Variants in DNAH7 observed in about 807,000 individuals in gnomAD.
DNAH7 encodes axonemal beta dynein heavy chain 7.
DNAH7 carries 397 observed loss-of-function variants against 444.6 expected under a neutral mutation model. The ratio of observed to expected loss-of-function variants is 0.89; its 90% confidence interval spans 0.82 to 0.97. The LOEUF (loss-of-function observed/expected upper bound fraction) is 0.97. Ranked by LOEUF, DNAH7 falls within the 50% of genes least tolerant of loss-of-function variation. The pLI, the probability that DNAH7 is intolerant of heterozygous loss-of-function variation, is 0.00. For synonymous variants in DNAH7, 1,636 were observed against 1,624.4 expected (o/e 1.01, Z -0.17); for missense variants, 4,902 against 4,800.8 (o/e 1.02, Z -0.62).
chr2:195,818,469 C>T (rs1697321657), intron 49 of DNAH7, among the ~76,000 whole-genome samples: 1 of 152,174 alleles, frequency 6.6e-6, no homozygotes, highest in African/African-American at 2.4e-5. Context: ...TCATTGTCCA[C>T]ATCTCCTGTT....
chr2:195,980,077 A>G (rs1000943281), intron 15 of DNAH7, among the ~76,000 whole-genome samples: 47 of 151,166 alleles, frequency 3.1e-4, no homozygotes, highest in Non-Finnish European at 6.4e-4. Context: ...AAAAAAAAAA[A>G]AAAAAAAAAC....
At chr2:196,046,110 A>G (rs1176433748) in intron 5 of DNAH7, among the ~76,000 whole-genome samples, 4 of 152,188 alleles carry the variant, frequency 2.6e-5, no homozygotes, top group Admixed American at 6.5e-5. Context: ...ACTGGATAGT[A>G]TATCACAAAG....
chr2:195,744,379 G>A (rs561347522), intron 63 of DNAH7, among the ~76,000 whole-genome samples: 1 of 152,334 alleles, frequency 6.6e-6, no homozygotes, highest in Admixed American at 6.5e-5. Context: ...ACTGGGTGGA[G>A]CCCACCACAG....
chr2:195,869,125 A>AC (rs1248999839), intron 40 of DNAH7, among the ~76,000 whole-genome samples: 1 of 151,900 alleles, frequency 6.6e-6, no homozygotes, highest in African/African-American at 2.4e-5. Context: ...AAGTGAAGAA[A>AC]AGGGGGAAAC....
intron 57 of DNAH7, among the ~76,000 whole-genome samples, chr2:195,789,831 C>A (rs755260876): frequency 1.3e-4 from 20 of 151,428 alleles, no homozygotes; most frequent in Admixed American, 1.1e-3. Flanking sequence ...CCAGAGTAAA[C>A]AGGCAAAAGA....
chr2:195,964,910 C>G (rs955981154), intron 17 of DNAH7, among the ~76,000 whole-genome samples: 1 of 151,274 alleles, frequency 6.6e-6, no homozygotes, highest in Non-Finnish European at 1.5e-5. Context: ...CATCTACAAA[C>G]AAGGAAAATA....
In DNAH7 at chr2:195,794,558, A is replaced by G; in HGVS notation, c.10516-20T>C. 6.2e-7 allele frequency: 1 copy of G among 1,610,354 alleles called. No individual in the cohort carries two copies. ...TAACTCCTGTAAGAAAATAAATCAG[A>G]TACAAAAGAGTAAATAAAACCCAAA... On this transcript the variant is annotated intron_variant, in intron 56 of 64. Transcript: ENST00000312428.
chr2:195,794,562 A>C, intron 56 of DNAH7, 24 bp from the exon 57 acceptor site: 3 of 1,607,320 alleles, frequency 1.9e-6, no homozygotes, highest in Non-Finnish European at 2.6e-6. Flanking sequence ...AATCAGATAC[A>C]AAAGAGTAAA....
At chr2:196,022,972 G>C (rs1695468788) in intron 8 of DNAH7, among the ~76,000 whole-genome samples, 2 of 152,310 alleles carry the variant, frequency 1.3e-5, no homozygotes, top group South Asian at 4.1e-4. Flanking sequence ...GAGGTTTGGG[G>C]AACAGTTGAT....
In DNAH7 at chr2:195,900,373, C is replaced by A. The variant is rs377538515; in HGVS notation, c.4457G>T (p.Arg1486Leu). 1 of 1,613,832 alleles carries A rather than the reference C, an allele frequency of 6.2e-7. No individual in the cohort carries two copies. Among genetic ancestry groups the A allele is most frequent in the Admixed American group, 1.7e-5 (1 of 59,982 alleles). Residue 1486 changes from arginine (R) to leucine (L), a missense_variant, in exon 28 of 65, where the codon CGC becomes CTC. Transcript: ENST00000312428. ...AGATGACAGCTGCTCTGAACACAAG[C>A]GATACGTAGCCACAATTTTTACAGA... ...PLSVKIVATYRLCSEQLSSQH... is the reference protein window; with the variant it reads ...PLSVKIVATYLLCSEQLSSQH...
chr2:195,753,040 G>C (rs1693878063), intron 63 of DNAH7, among the ~76,000 whole-genome samples: 1 of 152,200 alleles, frequency 6.6e-6, no homozygotes, highest in Non-Finnish European at 1.5e-5. Flanking sequence ...TCTAGAGCAT[G>C]TTGTAGGCTG....
chr2:195,872,103 A>C, intron 40 of DNAH7, 147 bp downstream of exon 40: 1 of 611,818 alleles, frequency 1.6e-6, no homozygotes. Context: ...AATATTTTTA[A>C]AATTTTTCTG....
At chr2:195,766,774 C>T (rs1694606621) in intron 61 of DNAH7, among the ~76,000 whole-genome samples, 1 of 151,964 alleles carries the variant, frequency 6.6e-6, no homozygotes, top group Non-Finnish European at 1.5e-5. Context: ...CATTGTATGC[C>T]TGTATGAGAA....
At chr2:195,879,358 T>C (rs963950315) in intron 36 of DNAH7, among the ~76,000 whole-genome samples, 14 of 152,230 alleles carry the variant, frequency 9.2e-5, no homozygotes, top group Admixed American at 3.3e-4. Flanking sequence ...TAGAGTATGG[T>C]TCTGTGTATT....
chr2:195,759,496 C>CT (rs1694245150), intron 61 of DNAH7, among the ~76,000 whole-genome samples: 1 of 152,096 alleles, frequency 6.6e-6, no homozygotes. Flanking sequence ...GGAGAGATTC[C>CT]TTTTTGAGGA....
chr2:196,064,740 A>C (rs1368342121), intron 1 of DNAH7, among the ~76,000 whole-genome samples: 1 of 152,192 alleles, frequency 6.6e-6, no homozygotes, highest in Admixed American at 6.5e-5. Context: ...ACATTTTTGA[A>C]ATGTATCCCC....
chr2:195,873,419 T>C lies in DNAH7; in HGVS notation c.6413+149A>G, dbSNP rs1574630764. On this transcript the variant is annotated intron_variant, in intron 39 of 64. Transcript: ENST00000312428. ...TGTGTTATGCTCCCACACTGGGAGG[T>C]GGCAGGAACAGAGGCAAACGATGTT... The C allele has an allele frequency of 1.1e-5, 5 of 439,920 alleles. No homozygotes were observed. In the East Asian group the frequency reaches 1.9e-4, roughly 17 times the overall value. The allele number at this position is 439,920 out of a possible 1,614,324, so 27.3% of individuals were successfully genotyped here.
chr2:195,969,899 G>T, intron 17 of DNAH7, 49 bp downstream of exon 17: 1 of 1,558,432 alleles, frequency 6.4e-7, no homozygotes, highest in Non-Finnish European at 8.7e-7. Context: ...CGAATTCAAT[G>T]CTTTTTCAAT....
At chr2:195,842,982 C>A (rs962728871) in intron 47 of DNAH7, among the ~76,000 whole-genome samples, 5 of 152,166 alleles carry the variant, frequency 3.3e-5, no homozygotes, top group Admixed American at 1.3e-4. Flanking sequence ...ATATGTAGGA[C>A]ATGACCAGCT....
Sources: gnomAD v4.1 joint callset for allele counts (sites outside exome capture counted in the v4.1 genomes callset) on GRCh38, gnomAD v4.1.1 for gene constraint, MANE v1.5 for transcripts, NCBI Gene and HGNC (gene_info 2026-07-23, HGNC 2026-07-21) for gene names.